Variants in FSTL4 observed in about 807,000 individuals in gnomAD.
The protein encoded by FSTL4 is follistatin-related protein 4.
In FSTL4, 28 loss-of-function variants were observed where a neutral mutation model predicts 78.2. The observed-to-expected ratio is 0.36, with a 90% CI of 0.27 to 0.49. FSTL4 has a LOEUF of 0.49. Ranked by LOEUF, FSTL4 falls within the 20% of genes least tolerant of loss-of-function variation. The pLI is 0.98. For synonymous variants in FSTL4, 422 were observed against 440.5 expected (o/e 0.96, Z 0.53); for missense variants, 922 against 1,084.9 (o/e 0.85, Z 2.11).
chr5:133,558,333 G>A (rs565873268), intron 3 of FSTL4, among the ~76,000 whole-genome samples: 4 of 152,316 alleles, frequency 2.6e-5, no homozygotes, highest in South Asian at 2.1e-4. Context: ...TGAGGTGAGA[G>A]AGCCATTGAG....
the FSTL4 span, among the ~76,000 whole-genome samples, chr5:133,729,226 AACAC>A: frequency 0.022 from 3,193 of 148,096 alleles, 87 homozygotes; most frequent in African/African-American, 0.06. Context: ...GATTTATGAA[AACAC>A]ACACACACAC....
chr5:133,451,821 T>C (rs966826566), intron 3 of FSTL4, among the ~76,000 whole-genome samples: 4 of 152,078 alleles, frequency 2.6e-5, no homozygotes, highest in Admixed American at 6.5e-5. Flanking sequence ...GCGGAAGAAT[T>C]GAATATTTCT....
chr5:133,392,132 C>T (rs750521268), intron 4 of FSTL4, among the ~76,000 whole-genome samples: 13 of 152,148 alleles, frequency 8.5e-5, no homozygotes, highest in South Asian at 4.1e-4. Context: ...GCATCTGACC[C>T]GGGGCTCAGA....
chr5:133,218,233 G>T (rs1048663079), intron 12 of FSTL4, among the ~76,000 whole-genome samples: 1 of 152,040 alleles, frequency 6.6e-6, no homozygotes, highest in African/African-American at 2.4e-5. Flanking sequence ...CTAACCTCAG[G>T]CCCCATCCAA....
At chr5:133,605,885 C>A (rs1760966503) in intron 1 of FSTL4, among the ~76,000 whole-genome samples, 1 of 152,100 alleles carries the variant, frequency 6.6e-6, no homozygotes, top group Non-Finnish European at 1.5e-5. Context: ...TCAGCACCTG[C>A]CCCACACTCT....
Position 133,199,738 on chromosome 5 carries a change from A to G in FSTL4, c.1886T>C (p.Met629Thr). Residue 629 changes from methionine (M) to threonine (T), a missense_variant, in exon 16 of 16, where the codon ATG (methionine) becomes ACG (threonine). Met to Thr is a moderately conservative substitution (Grantham distance 81). Coordinates refer to ENST00000265342, the MANE Select transcript of FSTL4 (RefSeq NM_015082.2). The surrounding 1 kb of genome is among the most constrained non-coding windows in gnomAD (Gnocchi z 4.4). ...CAGGCCGATGGTCTTGAGGGGCATC[A>G]TTGTTTCCAGGTCCACCTTGTGGAC... Reference protein sequence around the residue: ...PAVHKVDLETMMPLKTIGLHH... With the variant: ...PAVHKVDLETTMPLKTIGLHH... The G allele has an allele frequency of 6.2e-7, 1 of 1,602,246 alleles. No individual in the cohort carries two copies.
intron 8 of FSTL4, among the ~76,000 whole-genome samples, chr5:133,231,763 G>A (rs1411074213): frequency 2.0e-5 from 3 of 152,222 alleles, no homozygotes; most frequent in South Asian, 4.2e-4. Context: ...GGCTGGGTTC[G>A]AACTCCTGGA....
chr5:133,309,142 C>T (rs1753719684), intron 6 of FSTL4, among the ~76,000 whole-genome samples: 1 of 152,104 alleles, frequency 6.6e-6, no homozygotes, highest in Admixed American at 6.5e-5. Flanking sequence ...CTGTGATGAA[C>T]AGACAGGGCC....
intron 2 of FSTL4, among the ~76,000 whole-genome samples, chr5:133,596,964 T>C (rs1440631932): frequency 6.6e-6 from 1 of 152,064 alleles, no homozygotes; most frequent in Non-Finnish European, 1.5e-5. Context: ...TGGCTACCCA[T>C]CAAGAGAGAG....
At chr5:133,464,619 C>T (rs1757664495) in intron 3 of FSTL4, among the ~76,000 whole-genome samples, 1 of 152,184 alleles carries the variant, frequency 6.6e-6, no homozygotes, top group Non-Finnish European at 1.5e-5. Context: ...CTACCTTCCC[C>T]CCATGGAGGG....
chr5:133,720,446 C>T, the FSTL4 span: 1 of 153,026 alleles, frequency 6.5e-6, no homozygotes, highest in Non-Finnish European at 1.5e-5. Flanking sequence ...ATGGCCTCTC[C>T]TCACCATGTC....
chr5:133,603,066 G>C (rs1003942269), intron 2 of FSTL4, among the ~76,000 whole-genome samples: 1 of 152,178 alleles, frequency 6.6e-6, no homozygotes, highest in Admixed American at 6.5e-5. Flanking sequence ...TTAGGAATTA[G>C]TATTCATCAC....
At chr5:133,689,541 G>A in the FSTL4 span, among the ~76,000 whole-genome samples, 2 of 152,154 alleles carry the variant, frequency 1.3e-5, no homozygotes, top group African/African-American at 4.8e-5. Context: ...AGATAGTTGC[G>A]TATGCTATGC....
intron 6 of FSTL4, among the ~76,000 whole-genome samples, chr5:133,289,879 T>A (rs576504841): frequency 7.0e-4 from 106 of 152,350 alleles, no homozygotes; most frequent in African/African-American, 2.5e-3. Context: ...TCAGTTCACT[T>A]GACGAGAAAC....
the FSTL4 span, among the ~76,000 whole-genome samples, chr5:133,659,651 CT>C: frequency 6.6e-6 from 1 of 151,118 alleles, no homozygotes; most frequent in South Asian, 2.1e-4. Flanking sequence ...TTTATTTCTG[CT>C]TTTTTTATGT....
At chr5:133,207,229 A>G (rs967560144) in intron 14 of FSTL4, among the ~76,000 whole-genome samples, 1 of 152,192 alleles carries the variant, frequency 6.6e-6, no homozygotes, top group African/African-American at 2.4e-5. Flanking sequence ...AAGCTCTTCT[A>G]TGTTAATCAC....
the FSTL4 span, among the ~76,000 whole-genome samples, chr5:133,764,718 C>T: frequency 1.3e-5 from 2 of 152,192 alleles, no homozygotes; most frequent in Non-Finnish European, 2.9e-5. Context: ...GTGGGCAGAG[C>T]TCTCTAAGGG....
chr5:133,758,086 G>T, the FSTL4 span, among the ~76,000 whole-genome samples: 1 of 152,154 alleles, frequency 6.6e-6, no homozygotes, highest in African/African-American at 2.4e-5. Context: ...AAAAGCAGTA[G>T]CAGCAAATAC....
chr5:133,753,054 A>G, the FSTL4 span, among the ~76,000 whole-genome samples: 1 of 152,242 alleles, frequency 6.6e-6, no homozygotes, highest in Non-Finnish European at 1.5e-5. Flanking sequence ...ACCACAATGA[A>G]CCAGCTACCC....
Sources: gnomAD v4.1 joint callset for allele counts (sites outside exome capture counted in the v4.1 genomes callset) on GRCh38, gnomAD v4.1.1 for gene constraint, Gnocchi (gnomAD v3.1) non-coding constraint, MANE v1.5 for transcripts, NCBI Gene and HGNC (gene_info 2026-07-23, HGNC 2026-07-21) for gene names.